Variants in PSD3 observed in about 807,000 individuals in gnomAD.
PSD3 encodes PH and SEC7 domain-containing protein 3.
PSD3 carries 49 observed loss-of-function variants against 105.5 expected under a neutral mutation model. The ratio of observed to expected loss-of-function variants is 0.46; its 90% CI spans 0.37 to 0.59. PSD3 has a LOEUF of 0.59. Among genes scored for constraint, PSD3 ranks in the 20% least tolerant of loss-of-function variants. The pLI is 0.00. For synonymous variants in PSD3, 557 were observed against 457.8 expected, an observed-to-expected ratio of 1.22 and a Z score of -2.77; for missense variants, 1,561 against 1,263.8, an observed-to-expected ratio of 1.24 and a Z score of -3.57.
chr8:18,773,016 A>T (rs2129444507), intron 8 of PSD3, among the ~76,000 whole-genome samples: 1 of 152,238 alleles, frequency 6.6e-6, no homozygotes, highest in South Asian at 2.1e-4. Context: ...TAAGGCACAA[A>T]CGTTTCAGTT....
chr8:18,932,804 G>A (rs942940693), intron 2 of PSD3, among the ~76,000 whole-genome samples: 7 of 152,102 alleles, frequency 4.6e-5, no homozygotes, highest in African/African-American at 7.2e-5. Context: ...TCCCCAGTTC[G>A]TCAAACAATT....
intron 9 of PSD3, among the ~76,000 whole-genome samples, chr8:18,761,173 TAAC>T (rs1806498671): frequency 2.0e-5 from 3 of 152,272 alleles, no homozygotes; most frequent in South Asian, 4.1e-4. Flanking sequence ...AAGAGGCTGT[TAAC>T]AAGGTAAAAA....
intron 4 of PSD3, among the ~76,000 whole-genome samples, chr8:18,850,126 TAA>T (rs765110178): frequency 3.4e-4 from 52 of 152,200 alleles, no homozygotes; most frequent in Non-Finnish European, 5.3e-4. Context: ...AACATACAGA[TAA>T]TAAAGAGCTT....
At chr8:18,844,881 G>A (rs747332986) in intron 4 of PSD3, among the ~76,000 whole-genome samples, 7 of 152,284 alleles carry the variant, frequency 4.6e-5, no homozygotes, top group Non-Finnish European at 7.4e-5. Context: ...TCACTACAGC[G>A]CTGGGATCCG....
At position 18,911,950 on chromosome 8, in the gene PSD3, G is replaced by T. The variant is rs554499097; in HGVS notation, c.130+24084C>A. ...AAATGCAACAACTCAAAAACTATCCGTCCACAAACAGCCAAGTTAAGTGGG... is the reference window on the plus strand; with the variant it reads ...AAATGCAACAACTCAAAAACTATCCTTCCACAAACAGCCAAGTTAAGTGGG... On this transcript the variant is annotated intron_variant, in intron 2 of 15. Coordinates refer to ENST00000327040, the MANE Select transcript of PSD3 (RefSeq NM_015310.4). Among the ~76,000 whole-genome samples, 8 of 152,146 alleles carry T rather than the reference G, an allele frequency of 5.3e-5. 1 individual carries two copies. In the South Asian group the frequency reaches 1.7e-3, roughly 32 times the overall value.
chr8:18,761,432 C>G (rs919927238), intron 9 of PSD3, among the ~76,000 whole-genome samples: 5 of 152,256 alleles, frequency 3.3e-5, no homozygotes, highest in Admixed American at 3.3e-4. Flanking sequence ...GTTTTAATAG[C>G]TAACAGACAA....
At chr8:18,885,254 T>C (rs1344969180) in intron 2 of PSD3, among the ~76,000 whole-genome samples, 6 of 152,292 alleles carry the variant, frequency 3.9e-5, no homozygotes, top group Admixed American at 3.9e-4. Context: ...AATCCAATTG[T>C]AAAATTTCTC....
At chr8:18,882,333 C>T (rs1818160882) in intron 2 of PSD3, among the ~76,000 whole-genome samples, 1 of 152,146 alleles carries the variant, frequency 6.6e-6, no homozygotes, top group Non-Finnish European at 1.5e-5. Context: ...TAAGTCCAGG[C>T]TTGAAAAGGA....
intron 1 of PSD3, among the ~76,000 whole-genome samples, chr8:19,082,442 G>C (rs1829673582): frequency 6.6e-6 from 1 of 152,184 alleles, no homozygotes; most frequent in African/African-American, 2.4e-5. Flanking sequence ...TGTTTTCATG[G>C]TGGAAAAACT....
chr8:19,033,437 T>G (rs1393202772), intron 1 of PSD3, among the ~76,000 whole-genome samples: 1 of 152,202 alleles, frequency 6.6e-6, no homozygotes, highest in Non-Finnish European at 1.5e-5. Flanking sequence ...TTTGATTCTC[T>G]CTAAGAATAG....
Position 19,073,517 on chromosome 8 carries a change from C to T in PSD3, c.324+10689G>A, listed in dbSNP as rs188194593. 6.2e-3 allele frequency among the ~76,000 whole-genome samples: 790 copies of T among 128,294 alleles called. 5 individuals carry two copies. The highest frequency in any genetic ancestry group is 0.022 in the African/African-American group (761 of 33,984). 84.2% of individuals were successfully genotyped at this position (128,294 alleles called of 152,430 possible). Reference sequence around the variant, plus strand: ...AGTGAGCCGAGATCACGACACTGCACTCCAGCCTGGGCGACAGAGTGAAAC... The same window carrying T: ...AGTGAGCCGAGATCACGACACTGCATTCCAGCCTGGGCGACAGAGTGAAAC... On this transcript the variant is annotated intron_variant, in intron 1 of 1. Transcript: ENST00000521475.
At chr8:18,788,272 G>A (rs557861237) in intron 8 of PSD3, among the ~76,000 whole-genome samples, 1 of 152,312 alleles carries the variant, frequency 6.6e-6, no homozygotes, top group African/African-American at 2.4e-5. Context: ...TAACAGAGAA[G>A]CAGCTCCCAA....
At chr8:18,862,045 C>T (rs534401303) in intron 4 of PSD3, among the ~76,000 whole-genome samples, 1 of 152,156 alleles carries the variant, frequency 6.6e-6, no homozygotes, top group East Asian at 1.9e-4. Flanking sequence ...CTGTCCATGG[C>T]CGAGTGGCAG....
intron 4 of PSD3, among the ~76,000 whole-genome samples, chr8:18,830,230 C>A (rs984204180): frequency 3.9e-5 from 6 of 152,308 alleles, no homozygotes; most frequent in Non-Finnish European, 8.8e-5. Flanking sequence ...GTGTGAGCCA[C>A]CGCACCCAGC....
At chr8:19,055,839 G>C (rs1028928102) in intron 1 of PSD3, among the ~76,000 whole-genome samples, 16 of 152,176 alleles carry the variant, frequency 1.1e-4, no homozygotes, top group Admixed American at 9.8e-4. Context: ...CATTAAACTT[G>C]ATTGGAAAGC....
intron 2 of PSD3, among the ~76,000 whole-genome samples, chr8:18,934,957 T>C (rs1052332672): frequency 2.0e-5 from 3 of 152,234 alleles, no homozygotes; most frequent in Non-Finnish European, 4.4e-5. Flanking sequence ...CAAAAAAGTA[T>C]TGCATTAACA....
At chr8:18,592,494 C>G (rs1401069136) in intron 12 of PSD3, among the ~76,000 whole-genome samples, 1 of 152,102 alleles carries the variant, frequency 6.6e-6, no homozygotes, top group Non-Finnish European at 1.5e-5. Flanking sequence ...AACAGACATC[C>G]AGATTCGAGA....
At chr8:18,568,586 G>A (rs1161978947) in intron 14 of PSD3, among the ~76,000 whole-genome samples, 1 of 152,068 alleles carries the variant, frequency 6.6e-6, no homozygotes, top group Non-Finnish European at 1.5e-5. Flanking sequence ...CACTTTCAAG[G>A]TCTCTCAAGC....
intron 9 of PSD3, among the ~76,000 whole-genome samples, chr8:18,757,195 G>A (rs1215985776): frequency 6.6e-6 from 1 of 150,720 alleles, no homozygotes; most frequent in African/African-American, 2.4e-5. Context: ...GCTCACGCCT[G>A]GAATCCCAGC....
Sources: gnomAD v4.1 joint callset for allele counts (sites outside exome capture counted in the v4.1 genomes callset) on GRCh38, gnomAD v4.1.1 for gene constraint, MANE v1.5 for transcripts, NCBI Gene and HGNC (gene_info 2026-07-23, HGNC 2026-07-21) for gene names.